C8orf34: variants seen among roughly 807,000 people sequenced by gnomAD.
The protein encoded by C8orf34 is chromosome 8 open reading frame 34, also known as uncharacterized protein C8orf34.
C8orf34 carries 65 observed loss-of-function variants against 68.3 expected under a neutral mutation model. The observed-to-expected ratio is 0.95, with a 90% CI of 0.78 to 1.17. The LOEUF is 1.17. C8orf34 is among the 50% of genes most tolerant of loss of function. The probability of loss-of-function intolerance (pLI) is 0.00; values close to 1 mark genes in which losing one functional copy is unlikely to be tolerated. For synonymous variants in C8orf34, 244 were observed against 241.2 expected (o/e 1.01, Z -0.11); for missense variants, 664 against 655.4 (o/e 1.01, Z -0.14).
intron 9 of C8orf34, among the ~76,000 whole-genome samples, chr8:68,718,910 G>A (rs1401263729): frequency 6.6e-6 from 1 of 151,940 alleles, no homozygotes; most frequent in Non-Finnish European, 1.5e-5. Flanking sequence ...TCTAAAATGA[G>A]GATATAAGAT....
intron 8 of C8orf34, among the ~76,000 whole-genome samples, chr8:68,681,079 C>A (rs1820355850): frequency 6.6e-6 from 1 of 151,974 alleles, no homozygotes; most frequent in African/African-American, 2.4e-5. Context: ...TTTGCTTGAC[C>A]CCGCAGGCAG....
At chr8:68,461,212 G>A (rs1286646158) in intron 3 of C8orf34, among the ~76,000 whole-genome samples, 1 of 152,176 alleles carries the variant, frequency 6.6e-6, no homozygotes. Context: ...CGAAATGAAT[G>A]AAATGAAGTG....
At chr8:68,630,762 A>G (rs1818666071) in intron 7 of C8orf34, among the ~76,000 whole-genome samples, 1 of 151,898 alleles carries the variant, frequency 6.6e-6, no homozygotes, top group African/African-American at 2.4e-5. Context: ...TTGGTTTTTA[A>G]TAAATATACC....
chr8:68,446,461 G>A lies in C8orf34; in HGVS notation c.607+1G>A, dbSNP rs1811129173. ...CCACCATCACCGGACTCCAAATCAT[G>A]TAAGGAAGTCTCTTATTCAAATGCT... On this transcript the variant is annotated splice_donor_variant, in intron 3 of 13. Coordinates refer to ENST00000518698, the MANE Select transcript of C8orf34 (RefSeq NM_052958.4). LOFTEE classifies it high-confidence loss of function. The A allele has an allele frequency of 6.2e-7, 1 of 1,610,256 alleles. No homozygotes were observed. The highest frequency in any genetic ancestry group is 8.5e-7 in the Non-Finnish European group (1 of 1,178,762).
intron 4 of C8orf34, among the ~76,000 whole-genome samples, chr8:68,484,807 TAA>T (rs5892146): frequency 6.6e-6 from 1 of 151,838 alleles, no homozygotes; most frequent in African/African-American, 2.4e-5. Context: ...AATAAGAAGT[TAA>T]AAAAAATGCC....
At chr8:68,817,168 T>A (rs1439507744) in intron 13 of C8orf34, among the ~76,000 whole-genome samples, 2 of 152,166 alleles carry the variant, frequency 1.3e-5, no homozygotes, top group African/African-American at 4.8e-5. Flanking sequence ...TGGAACTTAC[T>A]AAATTGTGGA....
At chr8:68,404,601 A>C (rs1417533857) in intron 1 of C8orf34, among the ~76,000 whole-genome samples, 1 of 152,200 alleles carries the variant, frequency 6.6e-6, no homozygotes, top group Non-Finnish European at 1.5e-5. Context: ...ATGACTAGCC[A>C]GTTTTCCCAA....
intron 1 of C8orf34, among the ~76,000 whole-genome samples, chr8:68,429,965 T>C (rs1810385541): frequency 6.6e-6 from 1 of 152,068 alleles, no homozygotes; most frequent in African/African-American, 2.4e-5. Context: ...TGAGAGGAGC[T>C]TCTTTTGTTC....
At chr8:68,535,956 A>C (rs980613202) in intron 7 of C8orf34, 1 of 768,414 alleles carries the variant, frequency 1.3e-6, no homozygotes, top group South Asian at 5.9e-5. Flanking sequence ...TTTTAGTACA[A>C]ATATTTTAGT....
chr8:68,451,025 T>A lies in C8orf34; in HGVS notation c.607+4565T>A, dbSNP rs369726257. Among the ~76,000 whole-genome samples, 4 of 152,260 alleles carry A rather than the reference T, an allele frequency of 2.6e-5. No homozygotes were observed. In the East Asian group the frequency reaches 5.8e-4, roughly 22 times the overall value. ...AGTGTAGCCACCTTCATCAACTATC[T>A]TAGCTAGATCTTCTCGATTGGTGTG... is the stretch of plus-strand genomic sequence containing the variant. On this transcript the variant is annotated intron_variant, in intron 3 of 13. Coordinates refer to ENST00000518698, the MANE Select transcript of C8orf34 (RefSeq NM_052958.4).
chr8:68,478,184 C>A (rs1812704685), intron 4 of C8orf34, among the ~76,000 whole-genome samples: 1 of 152,028 alleles, frequency 6.6e-6, no homozygotes, highest in African/African-American at 2.4e-5. Flanking sequence ...TGCTCTGCTT[C>A]CCTTTTAAAC....
At chr8:68,804,247 A>G (rs1302416532) in intron 12 of C8orf34, among the ~76,000 whole-genome samples, 2 of 152,178 alleles carry the variant, frequency 1.3e-5, no homozygotes, top group African/African-American at 2.4e-5. Flanking sequence ...TATAATGCTC[A>G]TGTTTTCCCC....
At chr8:68,686,964 T>A (rs933590596) in intron 8 of C8orf34, among the ~76,000 whole-genome samples, 3 of 151,802 alleles carry the variant, frequency 2.0e-5, no homozygotes, top group Admixed American at 2.0e-4. Context: ...TCAATAGCAC[T>A]CGACAACAAC....
At chr8:68,474,662 A>G (rs1812525195) in intron 4 of C8orf34, among the ~76,000 whole-genome samples, 1 of 152,180 alleles carries the variant, frequency 6.6e-6, no homozygotes, top group South Asian at 2.1e-4. Flanking sequence ...CTCAGCGAAT[A>G]GTTTCATGTG....
intron 7 of C8orf34, among the ~76,000 whole-genome samples, chr8:68,578,518 A>G (rs1258437890): frequency 6.6e-6 from 1 of 151,994 alleles, no homozygotes; most frequent in East Asian, 1.9e-4. Context: ...TTGGTGGCCC[A>G]TAGAGATGGG....
intron 1 of C8orf34, among the ~76,000 whole-genome samples, chr8:68,340,281 A>G (rs570464496): frequency 2.0e-5 from 3 of 152,272 alleles, no homozygotes; most frequent in Admixed American, 6.5e-5. Context: ...GCATACATAC[A>G]TATAATATAA....
intron 5 of C8orf34, among the ~76,000 whole-genome samples, chr8:68,511,258 C>A (rs1261958721): frequency 6.6e-6 from 1 of 152,164 alleles, no homozygotes; most frequent in Non-Finnish European, 1.5e-5. Flanking sequence ...GTGGATGGAG[C>A]AATGGTGAGA....
rs942492771 is a variant in C8orf34, at chr8:68,813,425, A to C, written c.1550-2461A>C. On this transcript the variant is annotated intron_variant, in intron 12 of 13. Coordinates refer to ENST00000518698, the MANE Select transcript of C8orf34 (RefSeq NM_052958.4). ...GCCACCCTCCCTTGCCCCACACTCT[A>C]ATCAAAATAAAGTCTTCTCCTGCAC... is the stretch of plus-strand genomic sequence containing the variant. 6.5e-4 allele frequency among the ~76,000 whole-genome samples: 99 copies of C among 151,880 alleles called. 8 individuals carry two copies. Among genetic ancestry groups the C allele is most frequent in the Non-Finnish European group, 1.5e-5 (1 of 67,978 alleles).
At chr8:68,533,541 C>T (rs2129839459) in intron 7 of C8orf34, 2 of 986,470 alleles carry the variant, frequency 2.0e-6, no homozygotes, top group Admixed American at 6.1e-5. Context: ...TCCAAAATGT[C>T]TACCTTTTAT....
Sources: gnomAD v4.1 joint callset for allele counts (sites outside exome capture counted in the v4.1 genomes callset) on GRCh38, gnomAD v4.1.1 for gene constraint, MANE v1.5 for transcripts, NCBI Gene and HGNC (gene_info 2026-07-23, HGNC 2026-07-21) for gene names.